The following RBFOX1 variants were observed in gnomAD, a reference collection of about 807,000 sequenced individuals.
The protein encoded by RBFOX1 is RNA binding fox-1 homolog 1.
RBFOX1 carries 8 observed loss-of-function variants against 57.7 expected under a neutral mutation model. The ratio of observed to expected loss-of-function variants is 0.14; its 90% confidence interval spans 0.08 to 0.25. The LOEUF is 0.25. Ranked by LOEUF, RBFOX1 falls within the 10% of genes least tolerant of loss-of-function variation. RBFOX1 has a pLI of 1.00. For missense variants in RBFOX1, 611 were observed against 548.5 expected (o/e 1.11, Z -1.14); for synonymous variants, 326 against 222.4 (o/e 1.47, Z -4.15).
At chr16:7,371,041 T>G (rs1473705693) in intron 4 of RBFOX1, among the ~76,000 whole-genome samples, 1 of 152,226 alleles carries the variant, frequency 6.6e-6, no homozygotes, top group East Asian at 1.9e-4. Flanking sequence ...TTGACTTGCC[T>G]GTATTTTGTT....
At chr16:5,778,415 C>T (rs1235960090) in intron 3 of RBFOX1, among the ~76,000 whole-genome samples, 1 of 152,176 alleles carries the variant, frequency 6.6e-6, no homozygotes. Context: ...ACCTGGTTCA[C>T]AATCTGATGG....
chr16:7,370,748 T>G (rs2097550478), intron 4 of RBFOX1, among the ~76,000 whole-genome samples: 1 of 152,254 alleles, frequency 6.6e-6, no homozygotes, highest in East Asian at 1.9e-4. Flanking sequence ...CCCGAGGTTT[T>G]GGAATGTGAG....
At chr16:6,708,813 T>A (rs986485473) in intron 3 of RBFOX1, among the ~76,000 whole-genome samples, 1 of 152,164 alleles carries the variant, frequency 6.6e-6, no homozygotes, top group African/African-American at 2.4e-5. Context: ...ACATTCTTAC[T>A]CCCTGTGAGC....
At chr16:7,204,216 C>G (rs1311167411) in intron 4 of RBFOX1, among the ~76,000 whole-genome samples, 1 of 152,202 alleles carries the variant, frequency 6.6e-6, no homozygotes, top group African/African-American at 2.4e-5. Flanking sequence ...CCATCTCATC[C>G]TACCTCTCAT....
At chr16:6,410,336 C>G (rs2093419748) in intron 2 of RBFOX1, among the ~76,000 whole-genome samples, 2 of 117,186 alleles carry the variant, frequency 1.7e-5, no homozygotes, top group Admixed American at 1.1e-4. Context: ...GAGACAGAGT[C>G]TTGCTCTGTT....
intron 4 of RBFOX1, among the ~76,000 whole-genome samples, chr16:7,064,685 G>A (rs955024280): frequency 1.3e-5 from 2 of 152,066 alleles, no homozygotes; most frequent in Non-Finnish European, 2.9e-5. Context: ...ACTTTGTTAC[G>A]GTAGCCCTAG....
chr16:5,829,641 C>A (rs921541672), intron 3 of RBFOX1, among the ~76,000 whole-genome samples: 9 of 152,136 alleles, frequency 5.9e-5, no homozygotes, highest in Middle Eastern at 3.4e-3. Flanking sequence ...TCATGATCTC[C>A]CATGGGCTGT....
chr16:6,998,402 G>A (rs1030047486), intron 3 of RBFOX1, among the ~76,000 whole-genome samples: 1 of 152,068 alleles, frequency 6.6e-6, no homozygotes, highest in African/African-American at 2.4e-5. Flanking sequence ...ATCTGAAGGG[G>A]GCAAAATGAA....
intron 3 of RBFOX1, among the ~76,000 whole-genome samples, chr16:6,953,950 C>T (rs1454746321): frequency 6.6e-6 from 1 of 152,148 alleles, no homozygotes; most frequent in Non-Finnish European, 1.5e-5. Flanking sequence ...GGAGTAACCT[C>T]TTATTTACAA....
At chr16:6,195,212 C>A (rs574329741) in intron 1 of RBFOX1, among the ~76,000 whole-genome samples, 1 of 152,256 alleles carries the variant, frequency 6.6e-6, no homozygotes, top group South Asian at 2.1e-4. Context: ...TTTTTATCCC[C>A]ATTATAGGTT....
In RBFOX1 at chr16:6,492,134, G is replaced by A. The variant is rs1261002685; in HGVS notation, c.-63-162469G>A. 3.9e-5 allele frequency among the ~76,000 whole-genome samples: 6 copies of A among 152,054 alleles called. No homozygotes were observed. The South Asian group carries it at 1.2e-3, about 32-fold the overall frequency. ...TATATGAAAGTGTGTGTGTGTGTGC[G>A]GGCGTGTGAAAGTTTCCCTTGTATA... On this transcript the variant is annotated intron_variant, in intron 2 of 15. Transcript: ENST00000550418.
At chr16:7,653,468 T>A (rs373094305) in intron 11 of RBFOX1, among the ~76,000 whole-genome samples, 1 of 152,190 alleles carries the variant, frequency 6.6e-6, no homozygotes, top group Non-Finnish European at 1.5e-5. Flanking sequence ...ATTGCACCAC[T>A]GCACTCCAGC....
intron 3 of RBFOX1, among the ~76,000 whole-genome samples, chr16:5,677,774 A>T (rs1399096653): frequency 6.6e-6 from 1 of 152,182 alleles, no homozygotes; most frequent in East Asian, 1.9e-4. Context: ...CAGATGGAGG[A>T]AATTGCATGT....
chr16:6,742,203 G>A (rs1166269067), intron 3 of RBFOX1, among the ~76,000 whole-genome samples: 1 of 152,028 alleles, frequency 6.6e-6, no homozygotes, highest in Non-Finnish European at 1.5e-5. Context: ...TACCAAAGAG[G>A]ATATATGGAG....
intron 2 of RBFOX1, among the ~76,000 whole-genome samples, chr16:6,603,483 G>C (rs568614245): frequency 6.6e-6 from 1 of 152,264 alleles, no homozygotes; most frequent in South Asian, 2.1e-4. Context: ...TCTTGCTTTA[G>C]ATCAGAGCCC....
chr16:7,316,963 A>AACACACACACACACACACACACAC (rs112548867), intron 4 of RBFOX1, among the ~76,000 whole-genome samples: 6 of 146,886 alleles, frequency 4.1e-5, no homozygotes, highest in Admixed American at 2.7e-4. Flanking sequence ...AAGAAGACAG[A>AACACACACACACACACACACACAC]ACACACACAC....
chr16:5,557,407 C>A (rs1415710009), intron 2 of RBFOX1, among the ~76,000 whole-genome samples: 2 of 151,886 alleles, frequency 1.3e-5, no homozygotes, highest in African/African-American at 4.8e-5. Context: ...CATTGGGTCC[C>A]CATATGAAGC....
At chr16:7,381,223 G>T (rs1033351179) in intron 4 of RBFOX1, among the ~76,000 whole-genome samples, 2 of 152,142 alleles carry the variant, frequency 1.3e-5, no homozygotes, top group Admixed American at 6.5e-5. Flanking sequence ...GATTGAGGCC[G>T]TGTCTCTCAA....
At chr16:5,855,654 A>G (rs1445339235) in intron 3 of RBFOX1, among the ~76,000 whole-genome samples, 1 of 152,242 alleles carries the variant, frequency 6.6e-6, no homozygotes, top group African/African-American at 2.4e-5. Flanking sequence ...ATCAGAACAT[A>G]TGTGATGCCT....
Sources: allele counts gnomAD v4.1 joint callset (sites outside exome capture counted in the v4.1 genomes callset), GRCh38; gene constraint gnomAD v4.1.1; transcripts MANE v1.5; gene names NCBI Gene and HGNC (gene_info 2026-07-23, HGNC 2026-07-21).